The following PTPN4 variants were observed in gnomAD, a reference collection of about 807,000 sequenced individuals.
The protein encoded by PTPN4 is tyrosine-protein phosphatase non-receptor type 4.
In PTPN4, 49 loss-of-function variants were observed where a neutral mutation model predicts 135.5. That is an observed-to-expected ratio of 0.36 (90% CI 0.29 to 0.46). The LOEUF (loss-of-function observed/expected upper bound fraction) is 0.46. PTPN4 is among the 20% of genes least tolerant of loss of function. The pLI, the probability that PTPN4 is intolerant of heterozygous loss-of-function variation, is 1.00. For missense variants in PTPN4, 860 were observed against 1,101.0 expected (o/e 0.78, Z 3.10); for synonymous variants, 333 against 369.9 (o/e 0.90, Z 1.14).
At chr2:119,956,781 G>A (rs1679293604) in intron 20 of PTPN4, 63 bp from the exon 21 acceptor site, 20 of 1,574,026 alleles carry the variant, frequency 1.3e-5, no homozygotes, top group Non-Finnish European at 8.5e-7. Context: ...AACAAGTCTG[G>A]TAAACAAAAG....
intron 1 of PTPN4, among the ~76,000 whole-genome samples, chr2:119,763,796 A>G (rs927742007): frequency 6.6e-6 from 1 of 152,220 alleles, no homozygotes; most frequent in Non-Finnish European, 1.5e-5. Context: ...ATTGTATTTA[A>G]TTTAAATCAA....
intron 2 of PTPN4, among the ~76,000 whole-genome samples, chr2:119,843,416 G>C (rs1367596231): frequency 7.1e-6 from 1 of 140,100 alleles, no homozygotes; most frequent in African/African-American, 2.7e-5. Flanking sequence ...GCAACCATCC[G>C]ATTTCTCAAT....
At chr2:119,952,204 T>G in intron 19 of PTPN4, 75 bp downstream of exon 19, 1 of 1,369,470 alleles carries the variant, frequency 7.3e-7, no homozygotes, top group Non-Finnish European at 9.9e-7. Flanking sequence ...CAGCCAGATT[T>G]CTGACATAAA....
At chr2:119,853,568 C>T (rs1162982275) in intron 2 of PTPN4, among the ~76,000 whole-genome samples, 1 of 151,984 alleles carries the variant, frequency 6.6e-6, no homozygotes, top group Non-Finnish European at 1.5e-5. Context: ...CTTTTAGAGA[C>T]CTTTGCCTTC....
At chr2:119,761,566 C>G (rs1346554766) in intron 1 of PTPN4, among the ~76,000 whole-genome samples, 1 of 152,186 alleles carries the variant, frequency 6.6e-6, no homozygotes, top group Non-Finnish European at 1.5e-5. Context: ...ATTTTGTGGA[C>G]ATCACTGTTT....
In PTPN4 at chr2:119,914,248, A is replaced by ATTTTTTTTTTTT. The variant is rs55911315; in HGVS notation, c.765-914_765-903dup. Among the ~76,000 whole-genome samples, 274 of 97,384 alleles carry ATTTTTTTTTTTT rather than the reference A, an allele frequency of 2.8e-3. 26 individuals carry two copies. Among genetic ancestry groups the ATTTTTTTTTTTT allele is most frequent in the African/African-American group, 0.015 (258 of 17,030 alleles). The allele number at this position is 97,384 out of a possible 152,430, so 63.9% of individuals were successfully genotyped here. A position where few individuals can be genotyped will look rare whatever the true frequency, so the allele number is the denominator to read the frequency against. On this transcript the variant is annotated intron_variant, in intron 10 of 26. Coordinates refer to ENST00000263708, the MANE Select transcript of PTPN4 (RefSeq NM_002830.4). ...CATAAATACAGTCAATAGTTACTCA[A>ATTTTTTTTTTTT]TTTTTTTTTTTTTTTTTTTTTTTTT...
At chr2:119,898,797 G>A (rs1416917683) in intron 9 of PTPN4, among the ~76,000 whole-genome samples, 1 of 152,064 alleles carries the variant, frequency 6.6e-6, no homozygotes, top group African/African-American at 2.4e-5. Flanking sequence ...GGAATGCCTT[G>A]GGAACTGCCC....
In PTPN4 at chr2:119,910,547, C is replaced by T. The variant is rs150632850; in HGVS notation, c.765-4632C>T. ...TATGGTTTGGCTCTGTGTCCTGCCCCCTCCTCCACTAATCTCACCTTGACT... is the reference window on the plus strand; with the variant it reads ...TATGGTTTGGCTCTGTGTCCTGCCCTCTCCTCCACTAATCTCACCTTGACT... On this transcript the variant is annotated intron_variant, in intron 10 of 26. Transcript: ENST00000263708. Among the ~76,000 whole-genome samples, 634 of 152,216 alleles carry T rather than the reference C, an allele frequency of 4.2e-3. 1 individual carries two copies. The highest frequency in any genetic ancestry group is 0.01 in the Middle Eastern group (3 of 294).
intron 1 of PTPN4, among the ~76,000 whole-genome samples, chr2:119,795,722 G>C (rs1033758198): frequency 6.6e-6 from 1 of 152,240 alleles, no homozygotes; most frequent in Admixed American, 6.5e-5. Context: ...CAACATCCAT[G>C]CCTGGGGGGC....
Position 119,981,503 on chromosome 2 carries a change from T to C in PTPN4, c.*4433T>C, listed in dbSNP as rs1679693894. 1 of 152,138 alleles carries C rather than the reference T, an allele frequency of 6.6e-6. No homozygotes were observed. Among genetic ancestry groups the C allele is most frequent in the African/African-American group, 2.4e-5 (1 of 41,452 alleles). 9.4% of individuals were successfully genotyped at this position (152,138 alleles called of 1,614,324 possible). On this transcript the variant is annotated 3_prime_UTR_variant, in exon 27 of 27. Transcript: ENST00000263708. The stretch of plus-strand genomic sequence containing the variant: ...GCAGAGATTTATTGGTGTCTCAGTG[T>C]GATCACAATACAAGTTGTAGCAACC...
At position 119,955,303 on chromosome 2, in the gene PTPN4, A is replaced by G; in HGVS notation, c.1960A>G (p.Thr654Ala). The change falls in exon 20 of 27, where the codon ACA (threonine) becomes GCA (alanine). Residue 654 changes from threonine to alanine, a missense_variant. By Grantham distance (58) the Thr-to-Ala change is moderately conservative (BLOSUM62 0). Coordinates refer to ENST00000263708, the MANE Select transcript of PTPN4 (RefSeq NM_002830.4). ...GCTAGCTGAGGGGCTTATCACTGGA[A>G]CAGTCCTGACACAGTTTGATGTAAG... The part of the protein sequence containing the change: ...IQLAEGLITG[T>A]VLTQFDQLYR... The G allele has an allele frequency of 6.2e-7, 1 of 1,605,866 alleles. No individual in the cohort carries two copies. The highest frequency in any genetic ancestry group is 8.5e-7 in the Non-Finnish European group (1 of 1,177,524).
At chr2:119,814,819 G>A (rs1315164589) in intron 2 of PTPN4, among the ~76,000 whole-genome samples, 1 of 152,080 alleles carries the variant, frequency 6.6e-6, no homozygotes, top group Admixed American at 6.6e-5. Flanking sequence ...AAAATCAGAT[G>A]TTAAAATGGA....
chr2:119,968,749 G>T (rs556832007), intron 26 of PTPN4, among the ~76,000 whole-genome samples: 3 of 152,024 alleles, frequency 2.0e-5, no homozygotes, highest in Non-Finnish European at 4.4e-5. Context: ...CCGAGATTGC[G>T]CCACTGTACT....
chr2:119,943,692 T>G (rs113921800), intron 15 of PTPN4, among the ~76,000 whole-genome samples: 3,826 of 149,124 alleles, frequency 0.026, 166 homozygotes, highest in African/African-American at 0.088. Context: ...TTCACGCCAT[T>G]CTCCTGCCTC....
intron 2 of PTPN4, among the ~76,000 whole-genome samples, chr2:119,839,715 A>G (rs958281566): frequency 6.6e-6 from 1 of 152,248 alleles, no homozygotes; most frequent in African/African-American, 2.4e-5. Flanking sequence ...GCTTAGGTAA[A>G]TATCAACAAA....
intron 26 of PTPN4, among the ~76,000 whole-genome samples, chr2:119,969,049 A>G (rs1197179573): frequency 6.6e-6 from 1 of 152,150 alleles, no homozygotes; most frequent in African/African-American, 2.4e-5. Flanking sequence ...GTGAGACAAG[A>G]GTCTCACTCT....
At position 119,950,977 on chromosome 2, in the gene PTPN4, T is replaced by C. The variant is rs554939683; in HGVS notation, c.1657-996T>C. Among the ~76,000 whole-genome samples, 13 of 152,304 alleles carry C rather than the reference T, an allele frequency of 8.5e-5. No homozygotes were observed. In the South Asian group the frequency reaches 2.5e-3, roughly 29 times the overall value. On this transcript the variant is annotated intron_variant, in intron 18 of 26. Coordinates refer to ENST00000263708, the MANE Select transcript of PTPN4 (RefSeq NM_002830.4). ...TAAAGGTAAAAGGAAATGAAAAAAA[T>C]AGTAAAGCTAATATAGGATTTTGTA...
chr2:119,890,571 T>C (rs1678226061), intron 9 of PTPN4, among the ~76,000 whole-genome samples: 1 of 152,152 alleles, frequency 6.6e-6, no homozygotes, highest in Admixed American at 6.5e-5. Flanking sequence ...TTCTGGTTAT[T>C]ATATGTATTC....
At chr2:119,969,221 T>A (rs1317987696) in intron 26 of PTPN4, among the ~76,000 whole-genome samples, 1 of 152,000 alleles carries the variant, frequency 6.6e-6, no homozygotes, top group Non-Finnish European at 1.5e-5. Flanking sequence ...CTATGTTGCT[T>A]AGGCTGGTCT....
Sources: gnomAD v4.1 joint callset for allele counts (sites outside exome capture counted in the v4.1 genomes callset) on GRCh38, gnomAD v4.1.1 for gene constraint, MANE v1.5 for transcripts, NCBI Gene and HGNC (gene_info 2026-07-23, HGNC 2026-07-21) for gene names.